Variants in GTF2A1L observed in about 807,000 individuals in gnomAD.
GTF2A1L encodes the protein general transcription factor IIA subunit 1 like.
Under a neutral mutation model 49.7 loss-of-function variants are expected in GTF2A1L, and 48 were observed. That is an observed-to-expected ratio of 0.97 (90% confidence interval 0.77 to 1.23). The LOEUF (loss-of-function observed/expected upper bound fraction) is 1.23. Among genes scored for constraint, GTF2A1L ranks in the 50% most tolerant of loss-of-function variants. The pLI is 0.00. For synonymous variants in GTF2A1L, 246 were observed against 193.5 expected (o/e 1.27, Z -2.25); for missense variants, 736 against 564.8 (o/e 1.30, Z -3.07).
intron 3 of GTF2A1L, among the ~76,000 whole-genome samples, chr2:48,631,879 A>G (rs1038131667): frequency 9.2e-5 from 14 of 152,274 alleles, no homozygotes; most frequent in African/African-American, 3.1e-4. Context: ...TTTATTTCAA[A>G]TAATTTTTTG....
intron 6 of GTF2A1L, among the ~76,000 whole-genome samples, chr2:48,652,236 T>TATA (rs1677889839): frequency 6.6e-6 from 1 of 152,190 alleles, no homozygotes; most frequent in Non-Finnish European, 1.5e-5. Context: ...AGCTTATCCT[T>TATA]GTCTGGCAAG....
chr2:48,647,151 G>A, intron 6 of GTF2A1L, 109 bp downstream of exon 6: 2 of 1,059,242 alleles, frequency 1.9e-6, no homozygotes, highest in Non-Finnish European at 2.5e-6. Flanking sequence ...TATATATTTT[G>A]TTTTTTTCTT....
intron 6 of GTF2A1L, among the ~76,000 whole-genome samples, chr2:48,655,618 C>A (rs1220761280): frequency 6.6e-6 from 1 of 152,138 alleles, no homozygotes; most frequent in Non-Finnish European, 1.5e-5. Flanking sequence ...ATCAGTTTTG[C>A]CACATAGTAT....
intron 8 of GTF2A1L, among the ~76,000 whole-genome samples, chr2:48,672,266 A>G (rs190850135): frequency 6.6e-6 from 1 of 152,372 alleles, no homozygotes; most frequent in East Asian, 1.9e-4. Flanking sequence ...TACAAGGGAC[A>G]CTGAAGAGAT....
At chr2:48,673,122 G>A (rs969716322) in intron 8 of GTF2A1L, among the ~76,000 whole-genome samples, 4 of 152,044 alleles carry the variant, frequency 2.6e-5, no homozygotes, top group Non-Finnish European at 5.9e-5. Context: ...CATATATCAC[G>A]TCTTCGTTTT....
chr2:48,627,652 C>G lies in GTF2A1L; in HGVS notation c.247+6362C>G, dbSNP rs117259584. On this transcript the variant is annotated intron_variant, in intron 3 of 8. Transcript: ENST00000403751. Reference sequence around the variant, plus strand: ...TCTGCCAGATACCCAGTTTGAATAACTATAGTTGCTGTCAGATATTCTTTC... The same window carrying G: ...TCTGCCAGATACCCAGTTTGAATAAGTATAGTTGCTGTCAGATATTCTTTC... 8.0e-4 allele frequency among the ~76,000 whole-genome samples: 116 copies of G among 144,108 alleles called. 8 individuals are homozygous for G. In the East Asian group the frequency reaches 0.022, roughly 27 times the overall value. 94.5% of individuals were successfully genotyped at this position (144,108 alleles called of 152,430 possible). A position where few individuals can be genotyped will look rare whatever the true frequency, so the allele number is the denominator to read the frequency against.
intron 3 of GTF2A1L, among the ~76,000 whole-genome samples, chr2:48,627,558 C>T (rs1298763398): frequency 2.1e-5 from 3 of 143,844 alleles, no homozygotes; most frequent in Non-Finnish European, 3.1e-5. Flanking sequence ...TGAGTTTTAT[C>T]ATTGGCAAAT....
intron 5 of GTF2A1L, among the ~76,000 whole-genome samples, chr2:48,646,198 A>G (rs1219259492): frequency 6.6e-6 from 1 of 152,080 alleles, no homozygotes; most frequent in South Asian, 2.1e-4. Context: ...AAAGTGTGCC[A>G]TAAAAGCAAT....
intron 3 of GTF2A1L, among the ~76,000 whole-genome samples, chr2:48,635,441 G>A (rs1021751434): frequency 2.6e-5 from 4 of 151,978 alleles, no homozygotes; most frequent in Non-Finnish European, 5.9e-5. Context: ...TTCTGCTTGG[G>A]GGGTGGAGCA....
intron 3 of GTF2A1L, among the ~76,000 whole-genome samples, chr2:48,628,608 G>A (rs1198537997): frequency 1.4e-5 from 2 of 143,522 alleles, no homozygotes; most frequent in East Asian, 3.9e-4. Flanking sequence ...ATAGATTCTG[G>A]ATATTACAAC....
intron 3 of GTF2A1L, 114 bp from the exon 4 acceptor site, chr2:48,642,288 C>T (rs193248544): frequency 1.2e-5 from 12 of 1,034,494 alleles, no homozygotes; most frequent in African/African-American, 6.5e-5. Flanking sequence ...TTAGAATTCA[C>T]CATGGTTTAA....
At chr2:48,653,608 T>G (rs1452408594) in intron 6 of GTF2A1L, among the ~76,000 whole-genome samples, 1 of 152,198 alleles carries the variant, frequency 6.6e-6, no homozygotes. Context: ...ATTTACCAGT[T>G]TGACATTTGG....
At chr2:48,649,262 T>A (rs186026215) in intron 6 of GTF2A1L, among the ~76,000 whole-genome samples, 1 of 152,198 alleles carries the variant, frequency 6.6e-6, no homozygotes, top group Non-Finnish European at 1.5e-5. Flanking sequence ...GTGTCAGAAT[T>A]TCATTCCTTT....
intron 4 of GTF2A1L, 111 bp downstream of exon 4, chr2:48,642,568 G>C: frequency 2.8e-6 from 3 of 1,085,810 alleles, no homozygotes; most frequent in South Asian, 4.4e-5. Flanking sequence ...AAAGTGAAAA[G>C]ATGTGGCCGG....
At position 48,629,669 on chromosome 2, in the gene GTF2A1L, C is replaced by G. The variant is rs1435961892; in HGVS notation, c.247+8379C>G. ...GAAGGACATGAAGTCTATTTTCAGGCTAAGGGAAAAGGCTTCTGAAGTTTG... is the reference window on the plus strand; with the variant it reads ...GAAGGACATGAAGTCTATTTTCAGGGTAAGGGAAAAGGCTTCTGAAGTTTG... On this transcript the variant is annotated intron_variant, in intron 3 of 8. Transcript: ENST00000403751. 2.1e-5 allele frequency among the ~76,000 whole-genome samples: 3 copies of G among 143,882 alleles called. 1 individual carries two copies. The highest frequency in any genetic ancestry group is 4.7e-5 in the Non-Finnish European group (3 of 63,836). The allele number at this position is 143,882 out of a possible 152,430, so 94.4% of individuals were successfully genotyped here.
In GTF2A1L at chr2:48,652,577, T is replaced by G. The variant is rs575019648; in HGVS notation, c.978+5535T>G. 8.9e-3 allele frequency among the ~76,000 whole-genome samples: 1,356 copies of G among 151,522 alleles called. 19 individuals carry two copies. The highest frequency in any genetic ancestry group is 0.031 in the African/African-American group (1,263 of 41,352). ...TTGCAGTGAGCCAAGATCGTCCCACTGCACTCCAGCCTGGGCAACAGAGCG... is the reference window on the plus strand; with the variant it reads ...TTGCAGTGAGCCAAGATCGTCCCACGGCACTCCAGCCTGGGCAACAGAGCG... On this transcript the variant is annotated intron_variant, in intron 6 of 8. Coordinates refer to ENST00000403751, the MANE Select transcript of GTF2A1L (RefSeq NM_006872.5).
In GTF2A1L at chr2:48,642,515, G is replaced by A. The variant is rs1187468948; in HGVS notation, c.303+58G>A. On this transcript the variant is annotated intron_variant, in intron 4 of 8. Coordinates refer to ENST00000403751, the MANE Select transcript of GTF2A1L (RefSeq NM_006872.5). ...ACATGTCCCACTGTTAGCGAGTGGTGGCAAAATGCTGAACATAGATGTAAT... is the reference window on the plus strand; with the variant it reads ...ACATGTCCCACTGTTAGCGAGTGGTAGCAAAATGCTGAACATAGATGTAAT... 14 of 1,454,530 alleles carry A rather than the reference G, an allele frequency of 9.6e-6. No individual in the cohort carries two copies. The East Asian group carries it at 1.9e-4, about 20-fold the overall frequency. 90.1% of individuals were successfully genotyped at this position (1,454,530 alleles called of 1,614,324 possible).
At chr2:48,631,832 T>C (rs1248819404) in intron 3 of GTF2A1L, among the ~76,000 whole-genome samples, 1 of 152,184 alleles carries the variant, frequency 6.6e-6, no homozygotes, top group East Asian at 1.9e-4. Flanking sequence ...TTTTGCTTCA[T>C]CTCAGAGATT....
chr2:48,664,620 A>G (rs1187941318), intron 6 of GTF2A1L, among the ~76,000 whole-genome samples: 4 of 152,118 alleles, frequency 2.6e-5, no homozygotes, highest in African/African-American at 9.6e-5. Flanking sequence ...TAGAGTTTTT[A>G]GCTTTCTGAA....
Sources: gnomAD v4.1 joint callset for allele counts (sites outside exome capture counted in the v4.1 genomes callset) on GRCh38, gnomAD v4.1.1 for gene constraint, MANE v1.5 for transcripts, NCBI Gene and HGNC (gene_info 2026-07-23, HGNC 2026-07-21) for gene names.